The following CCAR1 variants were observed in gnomAD, a reference collection of about 807,000 sequenced individuals.
CCAR1 encodes cell division cycle and apoptosis regulator protein 1.
In CCAR1, 78 loss-of-function variants were observed where a neutral mutation model predicts 163.8. The ratio of observed to expected loss-of-function variants is 0.48; its 90% CI spans 0.40 to 0.57. The LOEUF (loss-of-function observed/expected upper bound fraction) is 0.57. Ranked by LOEUF, CCAR1 falls within the 20% of genes least tolerant of loss-of-function variation. The pLI is 0.00. For missense variants in CCAR1, 1,019 were observed against 1,365.2 expected (o/e 0.75, Z 4.00); for synonymous variants, 443 against 460.7 (o/e 0.96, Z 0.49).
chr10:68,748,427 A>T (rs1416620025), intron 8 of CCAR1, among the ~76,000 whole-genome samples: 1 of 151,730 alleles, frequency 6.6e-6, no homozygotes, highest in Non-Finnish European at 1.5e-5. Flanking sequence ...GATGACAGGT[A>T]GCCTTAGCTT....
intron 6 of CCAR1, 108 bp downstream of exon 6, chr10:68,742,677 C>A: frequency 1.2e-6 from 1 of 824,912 alleles, no homozygotes; most frequent in Non-Finnish European, 2.0e-6. Flanking sequence ...GTTGTGCAAT[C>A]TCAAGTCGAC....
At chr10:68,740,891 A>AT (rs1433616940) in intron 5 of CCAR1, among the ~76,000 whole-genome samples, 2 of 132,060 alleles carry the variant, frequency 1.5e-5, no homozygotes, top group African/African-American at 6.1e-5. Context: ...TATTTTATTT[A>AT]TTTATTTATT....
intron 17 of CCAR1, among the ~76,000 whole-genome samples, chr10:68,768,539 G>A (rs1288015981): frequency 1.3e-5 from 2 of 152,100 alleles, no homozygotes; most frequent in East Asian, 1.9e-4. Flanking sequence ...TGAACGCAGC[G>A]GGCAGAGGTT....
intron 19 of CCAR1, among the ~76,000 whole-genome samples, chr10:68,779,261 CTTTT>C (rs5785871): frequency 7.0e-6 from 1 of 143,776 alleles, no homozygotes. Flanking sequence ...CAATAAGATA[CTTTT>C]TTTTTTTTTT....
chr10:68,746,005 C>G (rs2056249298), intron 6 of CCAR1, among the ~76,000 whole-genome samples: 1 of 151,728 alleles, frequency 6.6e-6, no homozygotes, highest in Non-Finnish European at 1.5e-5. Flanking sequence ...TGGAGTCTCG[C>G]TCTGTCGCCC....
At chr10:68,766,815 G>A (rs1262966764) in intron 17 of CCAR1, among the ~76,000 whole-genome samples, 3 of 152,134 alleles carry the variant, frequency 2.0e-5, no homozygotes, top group African/African-American at 7.2e-5. Flanking sequence ...CTGAGCCACC[G>A]TGTCTGGCCC....
At chr10:68,788,915 CTTT>C (rs796500120) in intron 23 of CCAR1, among the ~76,000 whole-genome samples, 1 of 145,198 alleles carries the variant, frequency 6.9e-6, no homozygotes, top group African/African-American at 2.5e-5. Context: ...TCTGGTTCCA[CTTT>C]TTTTTTTTTG....
intron 2 of CCAR1, among the ~76,000 whole-genome samples, chr10:68,734,240 T>A (rs1036825824): frequency 6.6e-6 from 1 of 152,208 alleles, no homozygotes; most frequent in African/African-American, 2.4e-5. Context: ...ATAGAGTTAA[T>A]AACTAATAGT....
chr10:68,785,863 T>A (rs1334823210), intron 19 of CCAR1, among the ~76,000 whole-genome samples: 1 of 152,238 alleles, frequency 6.6e-6, no homozygotes, highest in African/African-American at 2.4e-5. Flanking sequence ...CGATAAGTGA[T>A]TTTTTTGTGA....
intron 14 of CCAR1, 56 bp from the exon 15 acceptor site, chr10:68,757,238 T>A: frequency 1.1e-6 from 1 of 917,678 alleles, no homozygotes; most frequent in East Asian, 2.4e-5. Flanking sequence ...TAAAAATAAA[T>A]TATTTTTATT....
chr10:68,723,350 C>T lies in CCAR1; in HGVS notation c.73+773C>T, dbSNP rs758405668. On this transcript the variant is annotated intron_variant, in intron 2 of 24. Transcript: ENST00000265872. ...TTCACCGTCTTAGCCAGGATGGTCT[C>T]GATCTCCTGACCTTGCGATATGCCC... is the stretch of plus-strand genomic sequence containing the variant. 7.6e-4 allele frequency among the ~76,000 whole-genome samples: 113 copies of T among 149,540 alleles called. No homozygotes were observed. The Middle Eastern group carries it at 0.024, about 32-fold the overall frequency.
chr10:68,779,253 A>G (rs371419160), intron 19 of CCAR1, among the ~76,000 whole-genome samples: 2 of 100,960 alleles, frequency 2.0e-5, no homozygotes, highest in East Asian at 2.5e-4. Flanking sequence ...GCAGATAACA[A>G]TAAGATACTT....
At chr10:68,760,879 CAAA>C (rs3998847) in intron 15 of CCAR1, 125 bp from the exon 16 acceptor site, 208,181 of 303,244 alleles carry the variant, frequency 0.69, 66,640 homozygotes, top group African/African-American at 0.85. Flanking sequence ...AAACAAAAAA[CAAA>C]AAAAAAAAAA....
chr10:68,732,228 T>C (rs1235324324), intron 2 of CCAR1, among the ~76,000 whole-genome samples: 3 of 152,210 alleles, frequency 2.0e-5, no homozygotes, highest in African/African-American at 7.2e-5. Flanking sequence ...ATGCCGATCT[T>C]AATTTATTAA....
chr10:68,786,366 A>T, intron 20 of CCAR1, 148 bp downstream of exon 20: 1 of 742,298 alleles, frequency 1.3e-6, no homozygotes, highest in Non-Finnish European at 2.2e-6. Flanking sequence ...TATGTCAGAT[A>T]ACTAGTATGT....
At chr10:68,752,934 A>AGATG (rs2056352545) in intron 10 of CCAR1, among the ~76,000 whole-genome samples, 1 of 139,204 alleles carries the variant, frequency 7.2e-6, no homozygotes. Context: ...ATAGATAGAT[A>AGATG]GATAGATTCT....
intron 2 of CCAR1, among the ~76,000 whole-genome samples, chr10:68,732,964 A>G (rs1320278160): frequency 6.6e-6 from 1 of 152,130 alleles, no homozygotes; most frequent in African/African-American, 2.4e-5. Context: ...ATTTTGATGC[A>G]CTATTTTTTC....
chr10:68,788,468 G>A (rs2056819730), intron 23 of CCAR1, 140 bp downstream of exon 23: 1 of 498,914 alleles, frequency 2.0e-6, no homozygotes, highest in Non-Finnish European at 3.2e-6. Flanking sequence ...AGTACATAAG[G>A]AACTTTTTAA....
Position 68,771,242 on chromosome 10 carries a change from CAA to C in CCAR1, c.2337_2338del (p.Asp781PhefsTer14). The C allele has an allele frequency of 6.3e-7, 1 of 1,594,110 alleles. No homozygotes were observed. The highest frequency in any genetic ancestry group is 8.5e-7 in the Non-Finnish European group (1 of 1,174,774). ...TGCGGAACTTTTCAACGAAATGCTT[CAA>C]AGAGATTTTGGTGTCCGTATATACA... ...LFAELFNEMLQRDFGVRIYKS... is the reference protein window; with the variant it reads ...LFAELFNEMLXRDFGVRIYKS... On this transcript the variant is annotated frameshift_variant, in exon 18 of 25. Transcript: ENST00000265872. LOFTEE classifies it high-confidence loss of function.
Sources: allele counts gnomAD v4.1 joint callset (sites outside exome capture counted in the v4.1 genomes callset), GRCh38; gene constraint gnomAD v4.1.1; transcripts MANE v1.5; gene names NCBI Gene and HGNC (gene_info 2026-07-23, HGNC 2026-07-21).